The following CSMD1 variants were observed in gnomAD, a reference collection of about 807,000 sequenced individuals.
CSMD1 encodes CUB and Sushi multiple domains 1.
CSMD1 carries 213 observed loss-of-function variants against 417.5 expected under a neutral mutation model. The observed-to-expected ratio is 0.51, with a 90% CI of 0.46 to 0.57. The LOEUF (loss-of-function observed/expected upper bound fraction) is 0.57. Ranked by LOEUF, CSMD1 falls within the 20% of genes least tolerant of loss-of-function variation. CSMD1 has a pLI of 0.00. For synonymous variants in CSMD1, 2,862 were observed against 1,736.8 expected, an observed-to-expected ratio of 1.65 and a Z score of -16.11; for missense variants, 6,923 against 4,529.7, an observed-to-expected ratio of 1.53 and a Z score of -15.17.
At chr8:4,400,451 G>C (rs961528169) in intron 3 of CSMD1, among the ~76,000 whole-genome samples, 5 of 152,212 alleles carry the variant, frequency 3.3e-5, no homozygotes, top group East Asian at 1.9e-4. Context: ...CAGACATCGA[G>C]ATTCATTCAT....
chr8:4,792,983 A>AATATATATATATATAT (rs34947549), intron 1 of CSMD1, among the ~76,000 whole-genome samples: 24 of 148,574 alleles, frequency 1.6e-4, no homozygotes, highest in African/African-American at 5.5e-4. Context: ...ATGTGTATGC[A>AATATATATATATATAT]ATATATATAT....
At chr8:3,078,414 G>T (rs866278374) in intron 49 of CSMD1, among the ~76,000 whole-genome samples, 2 of 152,132 alleles carry the variant, frequency 1.3e-5, no homozygotes, top group African/African-American at 2.4e-5. Flanking sequence ...TTTAGCACAT[G>T]GTAGAGCAAA....
intron 10 of CSMD1, among the ~76,000 whole-genome samples, chr8:3,545,831 G>A (rs1210688045): frequency 6.6e-6 from 1 of 152,194 alleles, no homozygotes; most frequent in African/African-American, 2.4e-5. Flanking sequence ...TTATTTAGTA[G>A]CAGAGTCTAT....
At chr8:3,401,963 T>C (rs1812065038) in intron 15 of CSMD1, among the ~76,000 whole-genome samples, 1 of 152,150 alleles carries the variant, frequency 6.6e-6, no homozygotes, top group Non-Finnish European at 1.5e-5. Flanking sequence ...TTTGCTTTTT[T>C]TTTTTGATGA....
At chr8:3,884,470 C>G (rs764067682) in intron 5 of CSMD1, among the ~76,000 whole-genome samples, 3 of 152,188 alleles carry the variant, frequency 2.0e-5, no homozygotes, top group Admixed American at 2.0e-4. Context: ...CCAGCCTGAG[C>G]AGGGCCCCGC....
At chr8:4,739,727 G>T (rs772181210) in intron 1 of CSMD1, among the ~76,000 whole-genome samples, 2 of 152,080 alleles carry the variant, frequency 1.3e-5, no homozygotes, top group Non-Finnish European at 2.9e-5. Context: ...GGAGCTCGTG[G>T]TGGTACTTTG....
At position 4,901,421 on chromosome 8, in the gene CSMD1, A is replaced by G. The variant is rs189900917; in HGVS notation, c.85+92911T>C. ...TTGAAAGCAGCTCATTGCTTCTTCC[A>G]TTATTCAAGTTTTCATAGAATTTAA... On this transcript the variant is annotated intron_variant, in intron 1 of 69. Coordinates refer to ENST00000635120, the MANE Select transcript of CSMD1 (RefSeq NM_033225.6). 1.4e-3 allele frequency among the ~76,000 whole-genome samples: 211 copies of G among 152,336 alleles called. 2 individuals carry two copies. Among genetic ancestry groups the G allele is most frequent in the Non-Finnish European group, 4.4e-4 (30 of 68,032 alleles).
intron 2 of CSMD1, among the ~76,000 whole-genome samples, chr8:4,619,389 G>T (rs942254851): frequency 6.6e-6 from 1 of 152,124 alleles, no homozygotes; most frequent in African/African-American, 2.4e-5. Context: ...TTTGAGTGAG[G>T]ATTTCTTTTC....
chr8:4,170,198 C>A (rs1186652237), intron 3 of CSMD1, among the ~76,000 whole-genome samples: 3 of 151,946 alleles, frequency 2.0e-5, no homozygotes, highest in East Asian at 3.9e-4. Flanking sequence ...CCACGCGTTT[C>A]TCTCTGCAGA....
intron 50 of CSMD1, among the ~76,000 whole-genome samples, chr8:3,040,006 T>C (rs562557544): frequency 2.0e-5 from 3 of 152,188 alleles, no homozygotes; most frequent in Non-Finnish European, 4.4e-5. Flanking sequence ...ATCCAGAAAG[T>C]GACTCCAACC....
At chr8:3,289,940 T>A (rs1584937968) in intron 25 of CSMD1, among the ~76,000 whole-genome samples, 2 of 147,772 alleles carry the variant, frequency 1.4e-5, no homozygotes, top group South Asian at 4.1e-4. Context: ...GGTTTTCTTC[T>A]AGGGTTTTTA....
intron 23 of CSMD1, among the ~76,000 whole-genome samples, chr8:3,325,518 T>G (rs1013937757): frequency 6.6e-6 from 1 of 152,302 alleles, no homozygotes; most frequent in African/African-American, 2.4e-5. Context: ...TTAGTTCCAC[T>G]TGATGAAAGT....
At chr8:4,121,558 T>C (rs912194706) in intron 3 of CSMD1, among the ~76,000 whole-genome samples, 2 of 150,690 alleles carry the variant, frequency 1.3e-5, no homozygotes, top group South Asian at 2.1e-4. Flanking sequence ...TTGTCTAAAA[T>C]GTAATCAATC....
intron 33 of CSMD1, among the ~76,000 whole-genome samples, chr8:3,194,213 A>C (rs1796575046): frequency 6.6e-6 from 1 of 152,166 alleles, no homozygotes; most frequent in Non-Finnish European, 1.5e-5. Context: ...GATGTGGAAA[A>C]CCAACTAAGC....
chr8:3,546,220 T>C (rs185895004), intron 10 of CSMD1, among the ~76,000 whole-genome samples: 1 of 152,260 alleles, frequency 6.6e-6, no homozygotes, highest in Admixed American at 6.5e-5. Context: ...TGTAAGGTTC[T>C]ATGCAGATAG....
chr8:4,935,139 G>T lies in CSMD1; in HGVS notation c.85+59193C>A, dbSNP rs925787252. Among the ~76,000 whole-genome samples, 4 of 152,176 alleles carry T rather than the reference G, an allele frequency of 2.6e-5. No homozygotes were observed. In the East Asian group the frequency reaches 5.8e-4, roughly 22 times the overall value. On this transcript the variant is annotated intron_variant, in intron 1 of 69. Coordinates refer to ENST00000635120, the MANE Select transcript of CSMD1 (RefSeq NM_033225.6). ...TTATAGCTCACCACTTTCAATATGT[G>T]TATCAGTCACAGGTGAGGATTTTAA...
chr8:4,864,377 T>C (rs150557626), intron 1 of CSMD1, among the ~76,000 whole-genome samples: 204 of 152,010 alleles, frequency 1.3e-3, no homozygotes, highest in Non-Finnish European at 2.0e-3. Flanking sequence ...CGTAAAAATG[T>C]ATTTGTCTTT....
At chr8:3,170,475 T>G (rs993341543) in intron 37 of CSMD1, among the ~76,000 whole-genome samples, 16 of 152,238 alleles carry the variant, frequency 1.1e-4, no homozygotes, top group African/African-American at 3.6e-4. Context: ...CCCAAAGTGC[T>G]GGGATTACAG....
chr8:3,526,969 G>C (rs1356194487), intron 10 of CSMD1, among the ~76,000 whole-genome samples: 2 of 152,108 alleles, frequency 1.3e-5, no homozygotes, highest in African/African-American at 2.4e-5. Flanking sequence ...GTTGGGTGCA[G>C]CCCTCTGGAG....
Sources: gnomAD v4.1 joint callset for allele counts (sites outside exome capture counted in the v4.1 genomes callset) on GRCh38, gnomAD v4.1.1 for gene constraint, MANE v1.5 for transcripts, NCBI Gene and HGNC (gene_info 2026-07-23, HGNC 2026-07-21) for gene names.